Variants in EIF2AK4 observed in about 807,000 individuals in gnomAD.
The protein encoded by EIF2AK4 is eIF-2-alpha kinase GCN2.
Under a neutral mutation model 211.1 loss-of-function variants are expected in EIF2AK4, and 139 were observed. The observed-to-expected ratio is 0.66, with a 90% confidence interval of 0.57 to 0.76. EIF2AK4 has a LOEUF of 0.76. Ranked by LOEUF, EIF2AK4 falls within the 30% of genes least tolerant of loss-of-function variation. The pLI, the probability that EIF2AK4 is intolerant of heterozygous loss-of-function variation, is 0.00. For synonymous variants in EIF2AK4, 710 were observed against 751.3 expected, an observed-to-expected ratio of 0.94 and a Z score of 0.90; for missense variants, 1,664 against 2,043.8, an observed-to-expected ratio of 0.81 and a Z score of 3.58.
At chr15:40,027,773 C>T (rs1384075848) in intron 33 of EIF2AK4, among the ~76,000 whole-genome samples, 3 of 152,008 alleles carry the variant, frequency 2.0e-5, no homozygotes, top group Non-Finnish European at 2.9e-5. Flanking sequence ...CACCTGTAGT[C>T]CCAGCTACTC....
chr15:39,970,884 A>T (rs902674719), intron 9 of EIF2AK4, among the ~76,000 whole-genome samples: 1 of 152,124 alleles, frequency 6.6e-6, no homozygotes, highest in Non-Finnish European at 1.5e-5. Context: ...TTTTATTAGA[A>T]TTTTTTTGCC....
chr15:39,976,363 C>A (rs746753437), intron 11 of EIF2AK4, 51 bp from the exon 12 acceptor site: 105 of 1,530,066 alleles, frequency 6.9e-5, no homozygotes, highest in Non-Finnish European at 8.9e-5. Flanking sequence ...GGTGCAAATG[C>A]CTGTTTGTGC....
intron 3 of EIF2AK4, among the ~76,000 whole-genome samples, chr15:39,948,685 C>A (rs2140901922): frequency 6.6e-6 from 1 of 152,308 alleles, no homozygotes; most frequent in East Asian, 1.9e-4. Flanking sequence ...AGAAAAAGCT[C>A]TGATCTTAGC....
chr15:40,034,126 T>C (rs189983033), intron 37 of EIF2AK4, among the ~76,000 whole-genome samples, 200 bp from the exon 38 acceptor site: 3 of 152,214 alleles, frequency 2.0e-5, no homozygotes, highest in East Asian at 3.9e-4. Flanking sequence ...AGGCTCTAAT[T>C]AGGGAGTCTT....
Position 39,985,822 on chromosome 15 carries a change from A to G in EIF2AK4, c.2337A>G (p.Glu779=). 6.2e-7 allele frequency: 1 copy of G among 1,614,146 alleles called. No individual in the cohort carries two copies. Among genetic ancestry groups the G allele is most frequent in the Non-Finnish European group, 8.5e-7 (1 of 1,180,000 alleles). The part of the protein sequence containing the change: ...KSQNQDEDCN[E]KNGCHESEPS... The stretch of plus-strand genomic sequence containing the variant: ...TGGGTTAGGATGAAGATTGCAATGA[A>G]AAGAATGGCTGCCATGAAAGTGAGC... Residue 779 remains glutamate (E), a synonymous_variant, in exon 14 of 39, where the codon GAA becomes GAG. Coordinates refer to ENST00000263791, the MANE Select transcript of EIF2AK4 (RefSeq NM_001013703.4).
intron 30 of EIF2AK4, among the ~76,000 whole-genome samples, chr15:40,019,946 C>G (rs2035360268): frequency 6.6e-6 from 1 of 151,610 alleles, no homozygotes; most frequent in East Asian, 2.0e-4. Flanking sequence ...GATCGTTGAG[C>G]CCAGGAGTTC....
In EIF2AK4 at chr15:39,998,719, A is replaced by G; in HGVS notation, c.2869-12A>G. 1.2e-6 allele frequency: 2 copies of G among 1,610,738 alleles called. No homozygotes were observed. The highest frequency in any genetic ancestry group is 1.7e-6 in the Non-Finnish European group (2 of 1,177,806). Reference sequence around the variant, plus strand: ...CTGCCAAAACCTTGCTGATTTGAATATATTTTTTTAGCCCACTTCGCCTAA... The same window carrying G: ...CTGCCAAAACCTTGCTGATTTGAATGTATTTTTTTAGCCCACTTCGCCTAA... On this transcript the variant is annotated splice_polypyrimidine_tract_variant and intron_variant, in intron 19 of 38. Coordinates refer to ENST00000263791, the MANE Select transcript of EIF2AK4 (RefSeq NM_001013703.4).
chr15:40,024,322 G>A (rs552555816), intron 32 of EIF2AK4, among the ~76,000 whole-genome samples: 71 of 150,768 alleles, frequency 4.7e-4, no homozygotes, highest in Non-Finnish European at 8.7e-4. Flanking sequence ...GGATACAGGC[G>A]TGTGCCACTG....
In EIF2AK4 at chr15:39,967,875, A is replaced by C; in HGVS notation, c.1549A>C (p.Lys517Gln). The C allele has an allele frequency of 6.2e-7, 1 of 1,613,588 alleles. No individual in the cohort carries two copies. The highest frequency in any genetic ancestry group is 1.3e-5 in the African/African-American group (1 of 75,006). Residue 517 changes from lysine (K) to glutamine (Q), a missense_variant, in exon 9 of 39, where the codon AAG becomes CAG. Coordinates refer to ENST00000263791, the MANE Select transcript of EIF2AK4 (RefSeq NM_001013703.4). ...ACCAGCTGACTTTCAAGATTTTCTA[A>C]AGAAGTGAGTATCACTGAGATTCTC... ...DLPADFQDFLKKCVCLDDKER... is the reference protein window; with the variant it reads ...DLPADFQDFLQKCVCLDDKER...
At chr15:40,017,545 A>G (rs185725922) in intron 29 of EIF2AK4, among the ~76,000 whole-genome samples, 1,814 of 54,788 alleles carry the variant, frequency 0.033, 262 homozygotes, top group East Asian at 0.2. Context: ...ATATATATAT[A>G]TATATATATG....
intron 4 of EIF2AK4, chr15:39,951,593 A>C (rs572617541): frequency 1.3e-5 from 4 of 304,152 alleles, no homozygotes; most frequent in Admixed American, 4.0e-5. Context: ...GGAGTTTGCA[A>C]ATCAGTTCAG....
chr15:39,976,861 G>A lies in EIF2AK4; in HGVS notation c.2249+17G>A, dbSNP rs775094736. The stretch of plus-strand genomic sequence containing the variant: ...GTCCTTCCTGTAAGCGCACGGCGCG[G>A]ACCAGCTGCCTCTGATGCGCCCCCT... On this transcript the variant is annotated intron_variant, in intron 12 of 38. Transcript: ENST00000263791. 5 of 1,454,594 alleles carry A rather than the reference G, an allele frequency of 3.4e-6. No homozygotes were observed. Among genetic ancestry groups the A allele is most frequent in the Non-Finnish European group, 2.7e-6 (3 of 1,105,626 alleles). The allele number at this position is 1,454,594 out of a possible 1,614,324, so 90.1% of individuals were successfully genotyped here.
chr15:39,995,092 T>G (rs745707466), intron 18 of EIF2AK4, among the ~76,000 whole-genome samples: 2 of 152,120 alleles, frequency 1.3e-5, no homozygotes, highest in African/African-American at 4.8e-5. Flanking sequence ...TCCACTTGCC[T>G]CAGCCTCCCA....
At chr15:40,026,127 G>C in intron 33 of EIF2AK4, 38 bp downstream of exon 33, 1 of 1,557,858 alleles carries the variant, frequency 6.4e-7, no homozygotes, top group Non-Finnish European at 8.8e-7. Context: ...AGTGACTTCA[G>C]TTACCTATAT....
At chr15:39,954,081 T>A in intron 5 of EIF2AK4, 97 bp downstream of exon 5, 1 of 1,015,518 alleles carries the variant, frequency 9.8e-7, no homozygotes, top group Non-Finnish European at 1.4e-6. Flanking sequence ...TAATACAGCT[T>A]AAAATAAAGC....
chr15:40,020,822 TC>T, intron 30 of EIF2AK4, 76 bp from the exon 31 acceptor site: 1 of 1,358,040 alleles, frequency 7.4e-7, no homozygotes. Context: ...GAGTGCTGCC[TC>T]CCCTCCTGAT....
In EIF2AK4 at chr15:39,952,821, A is replaced by G. The variant is rs184911822; in HGVS notation, c.514-1083A>G. On this transcript the variant is annotated intron_variant, in intron 4 of 38. Coordinates refer to ENST00000263791, the MANE Select transcript of EIF2AK4 (RefSeq NM_001013703.4). The stretch of plus-strand genomic sequence containing the variant: ...AGTGTGTAGCCTAGTTATTGTTGGG[A>G]GTTTGTAGTTCTTTTTTATTATTTT... Among the ~76,000 whole-genome samples the G allele has an allele frequency of 9.9e-5, 15 of 151,254 alleles. No homozygotes were observed. The East Asian group carries it at 2.9e-3, about 29-fold the overall frequency.
chr15:40,001,274 G>A, intron 21 of EIF2AK4, 50 bp downstream of exon 21: 1 of 1,573,426 alleles, frequency 6.4e-7, no homozygotes, highest in East Asian at 2.2e-5. Context: ...GTCCACAAAA[G>A]GATCAAGCCA....
intron 34 of EIF2AK4, among the ~76,000 whole-genome samples, chr15:40,030,137 C>T (rs2035519725): frequency 6.6e-6 from 1 of 152,142 alleles, no homozygotes; most frequent in South Asian, 2.1e-4. Flanking sequence ...CCCCCAACCC[C>T]TGCCTGAGGA....
Sources: gnomAD v4.1 joint callset for allele counts (sites outside exome capture counted in the v4.1 genomes callset) on GRCh38, gnomAD v4.1.1 for gene constraint, MANE v1.5 for transcripts, NCBI Gene and HGNC (gene_info 2026-07-23, HGNC 2026-07-21) for gene names.